The following NALCN variants were observed in gnomAD, a reference collection of about 807,000 sequenced individuals.
NALCN encodes sodium leak channel, non-selective, also known as sodium leak channel NALCN.
Under a neutral mutation model 225.3 loss-of-function variants are expected in NALCN, and 111 were observed. That is an observed-to-expected ratio of 0.49 (90% confidence interval 0.42 to 0.58). NALCN has a LOEUF of 0.58. Among genes scored for constraint, NALCN ranks in the 20% least tolerant of loss-of-function variants. The pLI, the probability that NALCN is intolerant of heterozygous loss-of-function variation, is 0.00. For synonymous variants in NALCN, 764 were observed against 769.0 expected (o/e 0.99, Z 0.11); for missense variants, 1,378 against 2,202.4 (o/e 0.63, Z 7.49).
rs116883660 is a variant in NALCN, at chr13:101,278,952, T to A, written c.1134+4981A>T. 2.2e-3 allele frequency among the ~76,000 whole-genome samples: 335 copies of A among 152,260 alleles called. 2 individuals are homozygous for A. Among genetic ancestry groups the A allele is most frequent in the Admixed American group, 2.3e-3 (35 of 15,288 alleles). Reference sequence around the variant, plus strand: ...TAAGCGAGAGGTCAAATAAGTACTTTCATAAGCCAAGAAGGTACTGCCTCC... The same window carrying A: ...TAAGCGAGAGGTCAAATAAGTACTTACATAAGCCAAGAAGGTACTGCCTCC... On this transcript the variant is annotated intron_variant, in intron 10 of 43. Coordinates refer to ENST00000251127, the MANE Select transcript of NALCN (RefSeq NM_052867.4).
chr13:101,056,685 A>G (rs2031306837), intron 43 of NALCN, among the ~76,000 whole-genome samples: 2 of 151,842 alleles, frequency 1.3e-5, no homozygotes, highest in African/African-American at 2.4e-5. Context: ...AGCTCTGTCC[A>G]TGCCTTTGTT....
At chr13:101,340,631 T>C (rs2045529329) in intron 7 of NALCN, among the ~76,000 whole-genome samples, 1 of 152,202 alleles carries the variant, frequency 6.6e-6, no homozygotes, top group Non-Finnish European at 1.5e-5. Context: ...AGTTAATTAC[T>C]TTCCTAAGGC....
At chr13:101,313,561 C>G (rs1195807781) in intron 7 of NALCN, among the ~76,000 whole-genome samples, 1 of 152,126 alleles carries the variant, frequency 6.6e-6, no homozygotes, top group Non-Finnish European at 1.5e-5. Context: ...AGCCAAAAAA[C>G]ACATGAAAAA....
intron 14 of NALCN, among the ~76,000 whole-genome samples, chr13:101,181,998 G>A (rs2039250274): frequency 6.6e-6 from 1 of 151,814 alleles, no homozygotes; most frequent in Admixed American, 6.6e-5. Context: ...GCCGGGCGTG[G>A]TGGCGGGTGC....
intron 6 of NALCN, among the ~76,000 whole-genome samples, chr13:101,369,244 A>G (rs2046470249): frequency 6.6e-6 from 1 of 151,824 alleles, no homozygotes; most frequent in Non-Finnish European, 1.5e-5. Flanking sequence ...AGAAAAATGC[A>G]GCCATTTCAC....
chr13:101,181,303 T>C (rs931895884), intron 14 of NALCN: 1 of 518,836 alleles, frequency 1.9e-6, no homozygotes, highest in Non-Finnish European at 3.8e-6. Flanking sequence ...ACAGGCGTCT[T>C]GAGTGCCACA....
chr13:101,315,459 T>C (rs1416944638), intron 7 of NALCN, among the ~76,000 whole-genome samples: 1 of 152,130 alleles, frequency 6.6e-6, no homozygotes, highest in Non-Finnish European at 1.5e-5. Flanking sequence ...TTTTATTCTT[T>C]AGAGGAGATG....
chr13:101,320,962 C>A (rs1239936384), intron 7 of NALCN, among the ~76,000 whole-genome samples: 2 of 152,132 alleles, frequency 1.3e-5, no homozygotes, highest in East Asian at 1.9e-4. Flanking sequence ...GTCTGCAGAG[C>A]AACACCGTTA....
chr13:101,313,942 A>G (rs936778886), intron 7 of NALCN, among the ~76,000 whole-genome samples: 31 of 152,282 alleles, frequency 2.0e-4, no homozygotes, highest in African/African-American at 7.5e-4. Flanking sequence ...CTGGATTAGG[A>G]AAATGTGGCA....
chr13:101,212,379 G>T (rs1484230647), intron 13 of NALCN, among the ~76,000 whole-genome samples: 2 of 152,142 alleles, frequency 1.3e-5, no homozygotes, highest in African/African-American at 4.8e-5. Context: ...CTTTAGAACT[G>T]AGTACATCTA....
At chr13:101,221,592 C>CT (rs1390611952) in intron 13 of NALCN, among the ~76,000 whole-genome samples, 1 of 152,170 alleles carries the variant, frequency 6.6e-6, no homozygotes, top group East Asian at 1.9e-4. Context: ...CCAACTACCT[C>CT]TACAACCCAG....
Position 101,394,652 on chromosome 13 carries a change from A to G in NALCN, c.291+531T>C, listed in dbSNP as rs557454398. The stretch of plus-strand genomic sequence containing the variant: ...ACATTTTATATCTATTTTGTTTCCA[A>G]TTGGTACTAATTTCACATGACACAT... On this transcript the variant is annotated intron_variant, in intron 3 of 43. Coordinates refer to ENST00000251127, the MANE Select transcript of NALCN (RefSeq NM_052867.4). Among the ~76,000 whole-genome samples the G allele has an allele frequency of 1.4e-4, 21 of 151,912 alleles. No individual in the cohort carries two copies. In the South Asian group the frequency reaches 3.7e-3, roughly 27 times the overall value.
In NALCN at chr13:101,095,606, C is replaced by A; in HGVS notation, c.3237G>T (p.Glu1079Asp). The change falls in exon 28 of 44, where the codon GAG becomes GAT. Residue 1079 changes from glutamate to aspartate, a missense_variant. This residue lies in a region of NALCN where 292 missense variants were observed against 409.5 expected (regional missense o/e 0.71). Coordinates refer to ENST00000251127, the MANE Select transcript of NALCN (RefSeq NM_052867.4). The stretch of plus-strand genomic sequence containing the variant: ...GGGGCACCCAAAATCCAGGTTTTTT[C>A]TCTCCAGGCCTCAATTTTAAATTTA... ...KNLNLKLRPG[E>D]KKPGFWVPRV... 6.2e-7 allele frequency: 1 copy of A among 1,612,568 alleles called. No individual in the cohort carries two copies. Among genetic ancestry groups the A allele is most frequent in the Non-Finnish European group, 8.5e-7 (1 of 1,179,524 alleles).
chr13:101,344,470 G>A (rs996932260), intron 7 of NALCN, among the ~76,000 whole-genome samples: 1 of 152,130 alleles, frequency 6.6e-6, no homozygotes, highest in Non-Finnish European at 1.5e-5. Context: ...TATAAAAGCT[G>A]TAACTTTATG....
intron 6 of NALCN, among the ~76,000 whole-genome samples, chr13:101,346,478 A>G (rs1262055771): frequency 6.6e-6 from 1 of 152,166 alleles, no homozygotes; most frequent in Non-Finnish European, 1.5e-5. Context: ...AAACTCATCA[A>G]TGATACTTGT....
chr13:101,260,219 T>C (rs777947138), intron 10 of NALCN, among the ~76,000 whole-genome samples: 6 of 152,238 alleles, frequency 3.9e-5, no homozygotes, highest in African/African-American at 1.2e-4. Context: ...TTCTTTACTA[T>C]GGTTGAATAG....
At chr13:101,294,920 A>T (rs2043686122) in intron 7 of NALCN, among the ~76,000 whole-genome samples, 1 of 152,230 alleles carries the variant, frequency 6.6e-6, no homozygotes. Flanking sequence ...AAAGCTGGTT[A>T]CAAACAATCC....
chr13:101,248,322 C>T (rs1363648221), intron 11 of NALCN, among the ~76,000 whole-genome samples: 4 of 152,124 alleles, frequency 2.6e-5, no homozygotes, highest in Non-Finnish European at 2.9e-5. Context: ...CCAATAATTT[C>T]AGGTACATTA....
chr13:101,203,631 T>C (rs890634416), intron 13 of NALCN, among the ~76,000 whole-genome samples: 12 of 152,244 alleles, frequency 7.9e-5, no homozygotes, highest in African/African-American at 2.9e-4. Flanking sequence ...GAATTTCTTT[T>C]AGATACATAA....
Sources: gnomAD v4.1 joint callset for allele counts (sites outside exome capture counted in the v4.1 genomes callset) on GRCh38, gnomAD v4.1.1 for gene constraint, gnomAD v4.1.1 regional missense constraint, MANE v1.5 for transcripts, NCBI Gene and HGNC (gene_info 2026-07-23, HGNC 2026-07-21) for gene names.